Variants in CD28 observed in about 807,000 individuals in gnomAD.
CD28 encodes T-cell-specific surface glycoprotein CD28.
CD28 carries 8 observed loss-of-function variants against 21.4 expected under a neutral mutation model. The ratio of observed to expected loss-of-function variants is 0.37; its 90% CI spans 0.22 to 0.68. The LOEUF is 0.68. Ranked by LOEUF, CD28 falls within the 30% of genes least tolerant of loss-of-function variation. The probability of loss-of-function intolerance (pLI) is 0.55; values close to 1 mark genes in which losing one functional copy is unlikely to be tolerated. For missense variants in CD28, 239 were observed against 272.2 expected, an observed-to-expected ratio of 0.88 and a Z score of 0.86; for synonymous variants, 106 against 104.0, an observed-to-expected ratio of 1.02 and a Z score of -0.12.
chr2:203,725,837 A>G (rs540539308), intron 1 of CD28, among the ~76,000 whole-genome samples: 1 of 148,576 alleles, frequency 6.7e-6, no homozygotes, highest in Non-Finnish European at 1.5e-5. Context: ...CCACTCTTGC[A>G]ATGGGCAATA....
At chr2:203,723,621 C>A (rs1458300679) in intron 1 of CD28, among the ~76,000 whole-genome samples, 1 of 152,026 alleles carries the variant, frequency 6.6e-6, no homozygotes, top group Non-Finnish European at 1.5e-5. Flanking sequence ...AGACCAATGG[C>A]TAATAAGCAC....
At chr2:203,719,629 T>C (rs574967933) in intron 1 of CD28, among the ~76,000 whole-genome samples, 40 of 152,316 alleles carry the variant, frequency 2.6e-4, no homozygotes, top group Admixed American at 7.2e-4. Flanking sequence ...GGACAACTCA[T>C]CTACCTCTTT....
At chr2:203,722,176 C>T (rs917518678) in intron 1 of CD28, among the ~76,000 whole-genome samples, 8 of 152,036 alleles carry the variant, frequency 5.3e-5, no homozygotes, top group South Asian at 2.1e-4. Context: ...ATTCCCAGGG[C>T]GGTGAGCAAG....
chr2:203,729,876 A>G (rs1693844246), intron 3 of CD28, 104 bp downstream of exon 3: 8 of 1,173,400 alleles, frequency 6.8e-6, no homozygotes, highest in Middle Eastern at 2.0e-4. Flanking sequence ...TTAATATAGG[A>G]TGATGATTTT....
Position 203,706,811 on chromosome 2 carries a change from T to C in CD28, c.52+63T>C. 9 of 1,247,468 alleles carry C rather than the reference T, an allele frequency of 7.2e-6. No homozygotes were observed. The South Asian group carries it at 1.1e-4, about 15-fold the overall frequency. The allele number at this position is 1,247,468 out of a possible 1,614,324, so 77.3% of individuals were successfully genotyped here. On this transcript the variant is annotated intron_variant, in intron 1 of 3. Coordinates refer to ENST00000324106, the MANE Select transcript of CD28 (RefSeq NM_006139.4). ...TTTGAGGTCTTCCAATTGGCTTAGT[T>C]TATTTTAAATTTCTAACAATGTGTG... is the stretch of plus-strand genomic sequence containing the variant.
At chr2:203,708,538 A>ACT (rs1302494962) in intron 1 of CD28, among the ~76,000 whole-genome samples, 2 of 151,832 alleles carry the variant, frequency 1.3e-5, no homozygotes, top group Non-Finnish European at 2.9e-5. Context: ...CAACTTATTC[A>ACT]CTCTCTTTTG....
In CD28 at chr2:203,729,756, C is replaced by T. The variant is rs780686361; in HGVS notation, c.518C>T (p.Ala173Val). 6.2e-7 allele frequency: 1 copy of T among 1,613,656 alleles called. No homozygotes were observed. Among genetic ancestry groups the T allele is most frequent in the East Asian group, 2.2e-5 (1 of 44,858 alleles). Residue 173 changes from alanine (A) to valine (V), a missense_variant, in exon 3 of 4, where the codon GCC (alanine) becomes GTC (valine). This residue lies in a region of CD28 where 112 missense variants were observed against 112.8 expected (regional missense o/e 0.99). Transcript: ENST00000324106. ...LACYSLLVTV[A>V]FIIFWVRSKR... ...TGCTATAGCTTGCTAGTAACAGTGG[C>T]CTTTATTATTTTCTGGGTAAGAGAA...
chr2:203,711,238 C>A (rs1693303608), intron 1 of CD28, among the ~76,000 whole-genome samples: 1 of 152,170 alleles, frequency 6.6e-6, no homozygotes, highest in African/African-American at 2.4e-5. Context: ...AAGGTGGTTG[C>A]ATGCAAGTGT....
At chr2:203,729,575 G>GT (rs1473937133) in intron 2 of CD28, 73 bp from the exon 3 acceptor site, 42 of 1,428,138 alleles carry the variant, frequency 2.9e-5, no homozygotes, top group Non-Finnish European at 3.6e-5. Context: ...ATTTTTCTCT[G>GT]ATGTTCACAA....
At chr2:203,715,468 A>G (rs1693439660) in intron 1 of CD28, among the ~76,000 whole-genome samples, 1 of 152,140 alleles carries the variant, frequency 6.6e-6, no homozygotes, top group Non-Finnish European at 1.5e-5. Flanking sequence ...TGTGAACGGT[A>G]GGGATTGGGT....
At chr2:203,719,935 A>G (rs1250459791) in intron 1 of CD28, among the ~76,000 whole-genome samples, 1 of 152,120 alleles carries the variant, frequency 6.6e-6, no homozygotes, top group Non-Finnish European at 1.5e-5. Context: ...CAGAGGGTTG[A>G]CCTCATTACT....
intron 1 of CD28, among the ~76,000 whole-genome samples, chr2:203,709,539 G>A (rs1309904090): frequency 6.6e-6 from 1 of 152,146 alleles, no homozygotes; most frequent in Non-Finnish European, 1.5e-5. Flanking sequence ...GTGTGATTTA[G>A]GAAGAGTGAG....
intron 1 of CD28, among the ~76,000 whole-genome samples, chr2:203,725,985 G>A (rs1459332576): frequency 6.6e-6 from 1 of 152,190 alleles, no homozygotes; most frequent in Non-Finnish European, 1.5e-5. Flanking sequence ...AAGGTGGTCA[G>A]ATCACTTGAG....
chr2:203,726,625 TCCCCCAG>T lies in CD28; in HGVS notation c.53-7_53-1del. 7 of 1,587,294 alleles carry T rather than the reference TCCCCCAG, an allele frequency of 4.4e-6. No individual in the cohort carries two copies. The Admixed American group carries it at 5.3e-5, about 12-fold the overall frequency. On this transcript the variant is annotated splice_acceptor_variant and splice_polypyrimidine_tract_variant and intron_variant, in intron 1 of 3. Coordinates refer to ENST00000324106, the MANE Select transcript of CD28 (RefSeq NM_006139.4). LOFTEE classifies it high-confidence loss of function. ...TTGTTCTAAGCAAATGATTTTTTTT[TCCCCCAG>T]GAAACAAGATTTTGGTGAAGCAGTC...
chr2:203,713,921 T>G, intron 1 of CD28, among the ~76,000 whole-genome samples: 2 of 146,028 alleles, frequency 1.4e-5, no homozygotes, highest in African/African-American at 2.6e-5. Context: ...TTGCAGGGCT[T>G]GAGGGTAGAG....
intron 1 of CD28, among the ~76,000 whole-genome samples, chr2:203,711,475 G>C (rs1457489133): frequency 1.3e-5 from 2 of 152,318 alleles, no homozygotes; most frequent in East Asian, 3.9e-4. Flanking sequence ...CTGCAAGGTG[G>C]TGGAGAAGTT....
At chr2:203,712,442 C>T (rs1693340011) in intron 1 of CD28, among the ~76,000 whole-genome samples, 1 of 152,150 alleles carries the variant, frequency 6.6e-6, no homozygotes, top group Non-Finnish European at 1.5e-5. Flanking sequence ...ATGTCCTCTA[C>T]ACCTCTCACC....
chr2:203,737,455 T>C lies in CD28; in HGVS notation c.*2543T>C, dbSNP rs900171969. ...CTTTTTTTTAAATGGAAAGACTTGA[T>C]CTATGGTAATAAATGATTTTGTTTT... On this transcript the variant is annotated 3_prime_UTR_variant, in exon 4 of 4. Transcript: ENST00000324106. The C allele has an allele frequency of 6.6e-6, 1 of 152,092 alleles. No individual in the cohort carries two copies. The highest frequency in any genetic ancestry group is 2.4e-5 in the African/African-American group (1 of 41,360). The allele number at this position is 152,092 out of a possible 1,614,324, so 9.4% of individuals were successfully genotyped here. A position where few individuals can be genotyped will look rare whatever the true frequency, so the allele number is the denominator to read the frequency against.
chr2:203,731,992 T>TTCGTAGAATTGTATTA (rs1693906586), intron 3 of CD28, among the ~76,000 whole-genome samples: 1 of 152,296 alleles, frequency 6.6e-6, no homozygotes, highest in South Asian at 2.1e-4. Context: ...TTTGTCTATA[T>TTCGTAGAATTGTATTA]TTCGTAGAAT....
Sources: gnomAD v4.1 joint callset for allele counts (sites outside exome capture counted in the v4.1 genomes callset) on GRCh38, gnomAD v4.1.1 for gene constraint, gnomAD v4.1.1 regional missense constraint, MANE v1.5 for transcripts, NCBI Gene and HGNC (gene_info 2026-07-23, HGNC 2026-07-21) for gene names.